The following MAGI1 variants were observed in gnomAD, a reference collection of about 807,000 sequenced individuals.
The protein encoded by MAGI1 is membrane associated guanylate kinase, WW and PDZ domain containing 1, also known as membrane-associated guanylate kinase, WW and PDZ domain-containing protein 1.
A neutral mutation model predicts 139.9 loss-of-function variants in MAGI1; 58 were observed. The ratio of observed to expected loss-of-function variants is 0.41; its 90% CI spans 0.34 to 0.52. The LOEUF (loss-of-function observed/expected upper bound fraction) is 0.52. Among genes scored for constraint, MAGI1 ranks in the 20% least tolerant of loss-of-function variants. MAGI1 has a pLI of 0.12. For synonymous variants in MAGI1, 812 were observed against 737.9 expected, an observed-to-expected ratio of 1.10 and a Z score of -1.63; for missense variants, 1,874 against 1,901.6, an observed-to-expected ratio of 0.99 and a Z score of 0.27.
intron 1 of MAGI1, among the ~76,000 whole-genome samples, chr3:65,838,155 C>G (rs970525378): frequency 1.3e-5 from 2 of 151,958 alleles, no homozygotes; most frequent in Non-Finnish European, 2.9e-5. Context: ...ACTAAAAATA[C>G]AAAAAAATTA....
intron 1 of MAGI1, among the ~76,000 whole-genome samples, chr3:65,786,972 C>G (rs1180274154): frequency 6.6e-6 from 1 of 152,106 alleles, no homozygotes; most frequent in Non-Finnish European, 1.5e-5. Context: ...CTTTTGTATT[C>G]CTACTTAATG....
Position 65,429,637 on chromosome 3 carries a change from C to A in MAGI1, c.2050G>T (p.Asp684Tyr), listed in dbSNP as rs1272350547. The A allele has an allele frequency of 1.2e-6, 2 of 1,613,940 alleles. No homozygotes were observed. The highest frequency in any genetic ancestry group is 1.7e-6 in the Non-Finnish European group (2 of 1,179,942). Residue 684 changes from aspartate (D) to tyrosine (Y), a missense_variant, in exon 12 of 23, where the codon GAT (aspartate) becomes TAT (tyrosine). Asp to Tyr is a radical substitution (Grantham distance 160, BLOSUM62 -3). This residue lies in a region of MAGI1 where 482 missense variants were observed against 509.6 expected (regional missense o/e 0.95). Coordinates refer to ENST00000402939, the MANE Select transcript of MAGI1 (RefSeq NM_001033057.2). ...SPRCRGLKEGDLIVEVNKKNV... is the reference protein window; with the variant it reads ...SPRCRGLKEGYLIVEVNKKNV... The stretch of plus-strand genomic sequence containing the variant: ...TTCTTATTAACTTCCACTATGAGAT[C>A]CCCTTCTTTCAGGCCTCGGCACCTT...
At chr3:65,941,944 C>T (rs1284969312) in intron 1 of MAGI1, among the ~76,000 whole-genome samples, 1 of 152,154 alleles carries the variant, frequency 6.6e-6, no homozygotes, top group African/African-American at 2.4e-5. Flanking sequence ...CATGAGCCAT[C>T]ATCCCAACTA....
chr3:65,841,416 T>A (rs962888030), intron 1 of MAGI1, among the ~76,000 whole-genome samples: 1 of 149,946 alleles, frequency 6.7e-6, no homozygotes, highest in Non-Finnish European at 1.5e-5. Flanking sequence ...TTTTTTTGTT[T>A]TGTTTTGTTT....
chr3:65,538,906 C>G (rs147662368), intron 2 of MAGI1, among the ~76,000 whole-genome samples: 2 of 152,084 alleles, frequency 1.3e-5, no homozygotes, highest in African/African-American at 4.8e-5. Context: ...ATACTAACAC[C>G]GGCAAACAGA....
intron 13 of MAGI1, among the ~76,000 whole-genome samples, chr3:65,396,043 T>G (rs1944370685): frequency 6.6e-6 from 1 of 151,854 alleles, no homozygotes; most frequent in Admixed American, 6.6e-5. Context: ...GTTGCCAAAT[T>G]CAACAGGGAT....
intron 1 of MAGI1, among the ~76,000 whole-genome samples, chr3:65,849,682 G>A (rs2059140460): frequency 6.6e-6 from 1 of 152,100 alleles, no homozygotes. Context: ...CTGGTAAGAT[G>A]TCTGTAAGTG....
chr3:65,430,569 A>T, intron 11 of MAGI1, 130 bp downstream of exon 11: 3 of 927,214 alleles, frequency 3.2e-6, no homozygotes, highest in Non-Finnish European at 4.8e-6. Flanking sequence ...CAAGGTGTTT[A>T]AAGCTGTAAA....
intron 10 of MAGI1, among the ~76,000 whole-genome samples, chr3:65,433,140 G>A (rs1289510529): frequency 6.6e-6 from 1 of 152,032 alleles, no homozygotes; most frequent in African/African-American, 2.4e-5. Flanking sequence ...ATATTGTCTG[G>A]TACATTTTAT....
chr3:65,627,360 G>C (rs2084024300), intron 1 of MAGI1, among the ~76,000 whole-genome samples: 1 of 151,834 alleles, frequency 6.6e-6, no homozygotes, highest in Non-Finnish European at 1.5e-5. Flanking sequence ...CAACAACCAT[G>C]ACTATATATA....
rs1419543224 is a variant in MAGI1 at position 65,396,937 on chromosome 3, T to TG, written c.2199+4501dup. Among the ~76,000 whole-genome samples, 3 of 152,212 alleles carry TG rather than the reference T, an allele frequency of 2.0e-5. No individual in the cohort carries two copies. In the East Asian group the frequency reaches 5.8e-4, roughly 29 times the overall value. On this transcript the variant is annotated intron_variant, in intron 13 of 22. Coordinates refer to ENST00000402939, the MANE Select transcript of MAGI1 (RefSeq NM_001033057.2). Reference sequence around the variant, plus strand: ...TTAATGCAGAAGAAAAGGCAGGCACTGACTGGATATGAAAATGGGTTCTGG... The same window carrying TG: ...TTAATGCAGAAGAAAAGGCAGGCACTGGACTGGATATGAAAATGGGTTCTGG...
chr3:65,519,141 A>G (rs1286515893), intron 2 of MAGI1, among the ~76,000 whole-genome samples: 1 of 152,174 alleles, frequency 6.6e-6, no homozygotes, highest in Non-Finnish European at 1.5e-5. Context: ...GGGGTAAGAG[A>G]AAGATGTTAT....
intron 2 of MAGI1, among the ~76,000 whole-genome samples, chr3:65,578,201 A>G (rs1347029928): frequency 6.6e-6 from 1 of 152,138 alleles, no homozygotes; most frequent in Admixed American, 6.5e-5. Context: ...CACCCATACC[A>G]TGTTGCTTCC....
At chr3:65,700,383 G>T (rs889359245) in intron 1 of MAGI1, among the ~76,000 whole-genome samples, 1 of 151,960 alleles carries the variant, frequency 6.6e-6, no homozygotes, top group Non-Finnish European at 1.5e-5. Flanking sequence ...AGGAGGCGGA[G>T]GTCACAATGA....
chr3:66,002,375 A>G (rs1164052602), intron 1 of MAGI1, among the ~76,000 whole-genome samples: 3 of 152,004 alleles, frequency 2.0e-5, no homozygotes, highest in Non-Finnish European at 4.4e-5. Flanking sequence ...TACCATTTCC[A>G]ATTTTATTTG....
intron 1 of MAGI1, among the ~76,000 whole-genome samples, chr3:65,903,940 G>A (rs2061337054): frequency 6.6e-6 from 1 of 151,928 alleles, no homozygotes; most frequent in Non-Finnish European, 1.5e-5. Context: ...CCCAGAAGGT[G>A]GAGGTTGCAG....
intron 1 of MAGI1, among the ~76,000 whole-genome samples, chr3:65,708,092 A>T (rs72900222): frequency 0.016 from 2,420 of 152,252 alleles, 61 homozygotes; most frequent in African/African-American, 0.054. Context: ...TATAAATGTA[A>T]CCCACTTCCT....
chr3:65,622,990 GGTTGACATTGGGAGAAAATGT>G (rs1238748654), intron 1 of MAGI1, among the ~76,000 whole-genome samples: 27 of 152,262 alleles, frequency 1.8e-4, no homozygotes, highest in African/African-American at 6.5e-4. Context: ...GATTTTCATG[GGTTGACATTGGGAGAAAATGT>G]GTGGAACTGT....
At chr3:65,524,183 A>G (rs867089316) in intron 2 of MAGI1, among the ~76,000 whole-genome samples, 1 of 152,200 alleles carries the variant, frequency 6.6e-6, no homozygotes, top group Non-Finnish European at 1.5e-5. Flanking sequence ...ACATTTTACT[A>G]TGTACTCTCA....
Sources: gnomAD v4.1 joint callset for allele counts (sites outside exome capture counted in the v4.1 genomes callset) on GRCh38, gnomAD v4.1.1 for gene constraint, gnomAD v4.1.1 regional missense constraint, MANE v1.5 for transcripts, NCBI Gene and HGNC (gene_info 2026-07-23, HGNC 2026-07-21) for gene names.